The following OR56A3 variants were observed in gnomAD, a reference collection of about 807,000 sequenced individuals.
The protein encoded by OR56A3 is olfactory receptor family 56 subfamily A member 3, also known as olfactory receptor 56A3.
OR56A3 carries 23 observed loss-of-function variants against 17.5 expected under a neutral mutation model. The ratio of observed to expected loss-of-function variants is 1.32; its 90% CI spans 0.95 to 1.87. The LOEUF is 1.87. Among genes scored for constraint, OR56A3 ranks in the 40% most tolerant of loss-of-function variants. OR56A3 has a pLI of 0.00. For synonymous variants in OR56A3, 175 were observed against 150.6 expected, an observed-to-expected ratio of 1.16 and a Z score of -1.19; for missense variants, 366 against 380.1, an observed-to-expected ratio of 0.96 and a Z score of 0.31.
chr11:5,961,253 A>G, the OR56A3 span, among the ~76,000 whole-genome samples: 1 of 152,246 alleles, frequency 6.6e-6, no homozygotes, highest in East Asian at 1.9e-4. Flanking sequence ...TGGGAGGTGT[A>G]CCCAACAGCT....
chr11:6,015,163 C>T, the OR56A3 span, among the ~76,000 whole-genome samples: 1 of 152,046 alleles, frequency 6.6e-6, no homozygotes, highest in Non-Finnish European at 1.5e-5. Context: ...TAAAAAGAAA[C>T]CAAGTGCTAA....
the OR56A3 span, among the ~76,000 whole-genome samples, chr11:5,956,437 T>C: frequency 0.022 from 3,369 of 152,290 alleles, 51 homozygotes; most frequent in South Asian, 0.045. Context: ...AACACAATTA[T>C]GTCTTTCTCA....
chr11:5,982,220 G>A, the OR56A3 span, among the ~76,000 whole-genome samples: 1 of 152,190 alleles, frequency 6.6e-6, no homozygotes, highest in African/African-American at 2.4e-5. Flanking sequence ...AATGACAGTG[G>A]TAGTTTAATG....
At chr11:6,002,532 C>G in the OR56A3 span, 5 of 1,614,046 alleles carry the variant, frequency 3.1e-6, no homozygotes, top group African/African-American at 6.7e-5. Context: ...AAAGGCATTC[C>G]GGGCTATAAC....
the OR56A3 span, chr11:5,986,879 G>A: frequency 4.3e-6 from 7 of 1,613,758 alleles, no homozygotes. Flanking sequence ...GAATTGCTAA[G>A]GAGCATTATC....
At chr11:5,952,282 A>T (rs1847912183), downstream of OR56A3, among the ~76,000 whole-genome samples, 1 of 152,166 alleles carries the variant, frequency 6.6e-6, no homozygotes, top group African/African-American at 2.4e-5. Flanking sequence ...GAATAGTGGA[A>T]GGTGTAGGAA....
At chr11:5,963,491 T>G in the OR56A3 span, among the ~76,000 whole-genome samples, 1 of 152,122 alleles carries the variant, frequency 6.6e-6, no homozygotes, top group African/African-American at 2.4e-5. Flanking sequence ...TTTAAATATA[T>G]TTTTCACTCA....
the OR56A3 span, among the ~76,000 whole-genome samples, chr11:6,018,375 T>G: frequency 2.6e-5 from 4 of 152,004 alleles, no homozygotes; most frequent in African/African-American, 7.2e-5. Context: ...TCTTCTCAGA[T>G]CACAGTAGAA....
chr11:5,965,092 C>T, the OR56A3 span, among the ~76,000 whole-genome samples: 1 of 152,134 alleles, frequency 6.6e-6, no homozygotes, highest in Non-Finnish European at 1.5e-5. Context: ...TTCCCATGTT[C>T]TTATAGGAGA....
the OR56A3 span, among the ~76,000 whole-genome samples, chr11:6,011,207 T>C: frequency 6.8e-6 from 1 of 147,646 alleles, no homozygotes; most frequent in African/African-American, 2.5e-5. Context: ...ATTTATTTTA[T>C]ATATATATAT....
the OR56A3 span, among the ~76,000 whole-genome samples, chr11:5,973,846 C>T: frequency 6.6e-6 from 1 of 152,136 alleles, no homozygotes; most frequent in South Asian, 2.1e-4. Context: ...TATGGAGGGA[C>T]AAGATTGGGT....
At chr11:6,006,313 G>A in the OR56A3 span, 1 of 152,168 alleles carries the variant, frequency 6.6e-6, no homozygotes, top group South Asian at 2.1e-4. Context: ...TGAAATTGAG[G>A]CCTCCTAATC....
At chr11:6,013,701 A>C in the OR56A3 span, among the ~76,000 whole-genome samples, 2 of 152,198 alleles carry the variant, frequency 1.3e-5, no homozygotes, top group Non-Finnish European at 2.9e-5. Context: ...CTGATGCCCA[A>C]GCACACATCT....
At chr11:5,993,967 G>C in the OR56A3 span, 1 of 445,758 alleles carries the variant, frequency 2.2e-6, no homozygotes, top group Non-Finnish European at 4.4e-6. Flanking sequence ...TTCGCATGGA[G>C]TTGGGGGCTG....
the OR56A3 span, chr11:6,017,216 A>G: frequency 5.3e-5 from 8 of 152,234 alleles, no homozygotes; most frequent in Non-Finnish European, 1.2e-4. Context: ...AGAAGAGAGA[A>G]GAGATAAGCA....
At chr11:5,986,399 G>A in the OR56A3 span, 1 of 1,613,950 alleles carries the variant, frequency 6.2e-7, no homozygotes, top group East Asian at 2.2e-5. Flanking sequence ...AACAAAATGG[G>A]GAAGGGGATA....
At chr11:6,014,823 G>A in the OR56A3 span, among the ~76,000 whole-genome samples, 1 of 151,900 alleles carries the variant, frequency 6.6e-6, no homozygotes, top group African/African-American at 2.4e-5. Flanking sequence ...GGGAACTGGC[G>A]TAAAGGTCAC....
chr11:6,008,101 G>C, the OR56A3 span, among the ~76,000 whole-genome samples: 1 of 152,148 alleles, frequency 6.6e-6, no homozygotes, highest in African/African-American at 2.4e-5. Context: ...ATGCACAATA[G>C]GACCTAGAAT....
the OR56A3 span, chr11:5,967,264 AC>A: frequency 6.2e-6 from 2 of 324,158 alleles, no homozygotes; most frequent in Non-Finnish European, 5.6e-6. Context: ...TTGTTTGAAA[AC>A]CATACAATTC....
Sources: gnomAD v4.1 joint callset for allele counts (sites outside exome capture counted in the v4.1 genomes callset) on GRCh38, gnomAD v4.1.1 for gene constraint, MANE v1.5 for transcripts, NCBI Gene and HGNC (gene_info 2026-07-23, HGNC 2026-07-21) for gene names.